SLC6A18: variants seen among roughly 807,000 people sequenced by gnomAD.
SLC6A18 encodes the protein inactive sodium-dependent neutral amino acid transporter B(0)AT3.
Under a neutral mutation model 62.9 loss-of-function variants are expected in SLC6A18, and 58 were observed. That is an observed-to-expected ratio of 0.92 (90% confidence interval 0.75 to 1.15). The LOEUF is 1.15. Ranked by LOEUF, SLC6A18 falls within the 50% of genes most tolerant of loss-of-function variation. The pLI, the probability that SLC6A18 is intolerant of heterozygous loss-of-function variation, is 0.00. For synonymous variants in SLC6A18, 382 were observed against 365.8 expected, an observed-to-expected ratio of 1.04 and a Z score of -0.51; for missense variants, 793 against 836.6, an observed-to-expected ratio of 0.95 and a Z score of 0.64.
chr5:1,226,812 TCTGCTAA>T (rs1746581906), intron 1 of SLC6A18, among the ~76,000 whole-genome samples: 1 of 152,116 alleles, frequency 6.6e-6, no homozygotes, highest in Admixed American at 6.5e-5. Flanking sequence ...TGCGGCTCGA[TCTGCTAA>T]GAGTCACCAG....
chr5:1,228,399 G>A (rs933611544), intron 1 of SLC6A18, among the ~76,000 whole-genome samples: 1 of 152,146 alleles, frequency 6.6e-6, no homozygotes, highest in African/African-American at 2.4e-5. Context: ...CATGACCCTG[G>A]GCGTGTCTCT....
chr5:1,235,433 G>C (rs777399981), intron 3 of SLC6A18, 48 bp from the exon 4 acceptor site: 1 of 1,586,526 alleles, frequency 6.3e-7, no homozygotes, highest in Non-Finnish European at 8.6e-7. Context: ...CACATGGTGA[G>C]GGTGCCTACG....
At chr5:1,240,196 T>C (rs1329846615) in intron 6 of SLC6A18, among the ~76,000 whole-genome samples, 1 of 152,266 alleles carries the variant, frequency 6.6e-6, no homozygotes. Context: ...TTGTGTGCGT[T>C]TCTCCTTTGG....
chr5:1,241,651 G>A lies in SLC6A18; in HGVS notation c.974+992G>A, dbSNP rs982257914. On this transcript the variant is annotated intron_variant, in intron 7 of 11. Transcript: ENST00000324642. The surrounding 1 kb of genome is among the most constrained non-coding windows in gnomAD (Gnocchi z 7.8). The stretch of plus-strand genomic sequence containing the variant: ...GGGACAGTGTTTTACAGGATGAGCC[G>A]GGTCAGGGAGGACGGTGATTTATAG... Among the ~76,000 whole-genome samples the A allele has an allele frequency of 6.6e-5, 10 of 152,298 alleles. No individual in the cohort carries two copies. Among genetic ancestry groups the A allele is most frequent in the African/African-American group, 2.2e-4 (9 of 41,568 alleles).
rs59826990 is a variant in SLC6A18, at chr5:1,241,168, G to A, written c.974+509G>A. Among the ~76,000 whole-genome samples the A allele has an allele frequency of 2.3e-3, 344 of 152,298 alleles. No individual in the cohort carries two copies. The highest frequency in any genetic ancestry group is 7.6e-3 in the African/African-American group (317 of 41,558). On this transcript the variant is annotated intron_variant, in intron 7 of 11. Transcript: ENST00000324642. This position sits in a 1 kb window ranked among gnomAD's most constrained non-coding sequence, Gnocchi z 7.8. Reference sequence around the variant, plus strand: ...GGCACCATTGCTGGTCGTTTGCTGCGGTGGTCCCAGGACCTGATGCAGTTA... The same window carrying A: ...GGCACCATTGCTGGTCGTTTGCTGCAGTGGTCCCAGGACCTGATGCAGTTA...
In SLC6A18 at chr5:1,242,772, C is replaced by T. The variant is rs775470749; in HGVS notation, c.1040C>T (p.Pro347Leu). The change falls in exon 8 of 12, where the codon CCA (proline) becomes CTA (leucine). Residue 347 changes from proline (P) to leucine (L), a missense_variant. Physicochemically the swap from Pro to Leu is moderately conservative, Grantham distance 98. Coordinates refer to ENST00000324642, the MANE Select transcript of SLC6A18 (RefSeq NM_182632.3). ...PEQSISRDDY[P>L]AVLMHLNATW... The stretch of plus-strand genomic sequence containing the variant: ...CAGAGCATCTCCAGGGACGACTACC[C>T]AGCCGTCCTCATGCACCTGAACGCC... 1 of 1,613,994 alleles carries T rather than the reference C, an allele frequency of 6.2e-7. No homozygotes were observed. The highest frequency in any genetic ancestry group is 1.1e-5 in the South Asian group (1 of 91,056).
At chr5:1,235,041 T>C (rs1176248556) in intron 3 of SLC6A18, among the ~76,000 whole-genome samples, 1 of 151,908 alleles carries the variant, frequency 6.6e-6, no homozygotes, top group Non-Finnish European at 1.5e-5. Context: ...GAAGTGGGAG[T>C]CACAGGACAA....
At chr5:1,240,361 C>T (rs1349378072) in intron 6 of SLC6A18, among the ~76,000 whole-genome samples, 170 bp from the exon 7 acceptor site, 2 of 152,146 alleles carry the variant, frequency 1.3e-5, no homozygotes, top group Non-Finnish European at 2.9e-5. Flanking sequence ...TTGGGGGGAT[C>T]TGAGGCCATT....
Position 1,237,985 on chromosome 5 carries a change from C to T in SLC6A18, c.657C>T (p.Val219=), listed in dbSNP as rs1027078722. 8 of 1,614,102 alleles carry T rather than the reference C, an allele frequency of 5.0e-6. No homozygotes were observed. The highest frequency in any genetic ancestry group is 6.8e-6 in the Non-Finnish European group (8 of 1,180,040). ...IYFTALFPYL[V]LTIFLIRGLT... is the part of the protein sequence containing the mutation. ...TCACAGCTTTGTTCCCTTACCTGGT[C>T]CTGACCATCTTTCTCATCAGAGGGC... The change falls in exon 5 of 12, where the codon GTC becomes GTT. Residue 219 remains valine (V), a synonymous_variant. Transcript: ENST00000324642.
chr5:1,232,666 G>T, intron 2 of SLC6A18, 85 bp from the exon 3 acceptor site: 1 of 1,517,158 alleles, frequency 6.6e-7, no homozygotes, highest in Non-Finnish European at 8.9e-7. Flanking sequence ...ATTTTATGTT[G>T]TTATTTTGTT....
At position 1,244,208 on chromosome 5, in the gene SLC6A18, C is replaced by T; in HGVS notation, c.1337-6C>T. 3 of 1,590,846 alleles carry T rather than the reference C, an allele frequency of 1.9e-6. No individual in the cohort carries two copies. The highest frequency in any genetic ancestry group is 2.6e-6 in the Non-Finnish European group (3 of 1,164,212). ...TACCCCCCACACCCCTTTCCCACTG[C>T]CCCAGGGCTGGTCTGCCTGGTCTGC... On this transcript the variant is annotated splice_region_variant and splice_polypyrimidine_tract_variant and intron_variant, in intron 9 of 11. Transcript: ENST00000324642.
chr5:1,233,427 G>A lies in SLC6A18; in HGVS notation c.439+539G>A, dbSNP rs1031241016. 3.9e-5 allele frequency among the ~76,000 whole-genome samples: 6 copies of A among 151,980 alleles called. No homozygotes were observed. The East Asian group carries it at 5.8e-4, about 15-fold the overall frequency. ...CGGGAAGTGGAGGTTGCAGATAGCCGAGATCATACCACTGCACTCCAGACG... is the reference window on the plus strand; with the variant it reads ...CGGGAAGTGGAGGTTGCAGATAGCCAAGATCATACCACTGCACTCCAGACG... On this transcript the variant is annotated intron_variant, in intron 3 of 11. Transcript: ENST00000324642.
rs145619230 is a variant in SLC6A18 at position 1,242,764 on chromosome 5, C to G, written c.1032C>G (p.Asp344Glu). ...TCCCAGAGCAGAGCATCTCCAGGGA[C>G]GACTACCCAGCCGTCCTCATGCACC... is the stretch of plus-strand genomic sequence containing the variant. ...FDFPEQSISRDDYPAVLMHLN... is the reference protein window; with the variant it reads ...FDFPEQSISREDYPAVLMHLN... The change falls in exon 8 of 12, where the codon GAC becomes GAG. Residue 344 changes from aspartate (D) to glutamate (E), a missense_variant. By Grantham distance (45) the Asp-to-Glu change is conservative. Coordinates refer to ENST00000324642, the MANE Select transcript of SLC6A18 (RefSeq NM_182632.3). 1.2e-6 allele frequency: 2 copies of G among 1,613,918 alleles called. No individual in the cohort carries two copies. Among genetic ancestry groups the G allele is most frequent in the Admixed American group, 3.3e-5 (2 of 60,020 alleles).
rs1747109126 is a variant in SLC6A18 at position 1,243,142 on chromosome 5, G to A, written c.1131+279G>A. 6.6e-6 allele frequency among the ~76,000 whole-genome samples: 1 copy of A among 152,198 alleles called. No individual in the cohort carries two copies. The highest frequency in any genetic ancestry group is 2.1e-4 in the South Asian group (1 of 4,826). On this transcript the variant is annotated intron_variant, in intron 8 of 11. Coordinates refer to ENST00000324642, the MANE Select transcript of SLC6A18 (RefSeq NM_182632.3). This position sits in a 1 kb window ranked among gnomAD's most constrained non-coding sequence, Gnocchi z 6.5. ...GGCATTGCTGGTGCCCAGACCCCAG[G>A]AGAGGGGGTGGCCAGCATGAGGGTC...
rs773043248 is a variant in SLC6A18 at position 1,242,875 on chromosome 5, C to A, written c.1131+12C>A. ...ACTTTCTGGATAAGGTACCTGCACA[C>A]CCCCTGGGGTAGCCAGGCAGGGCCG... On this transcript the variant is annotated intron_variant, in intron 8 of 11. Transcript: ENST00000324642. 1.1e-5 allele frequency: 17 copies of A among 1,595,738 alleles called. 1 individual carries two copies. The South Asian group carries it at 1.9e-4, about 18-fold the overall frequency.
chr5:1,231,844 A>G (rs1746737992), intron 1 of SLC6A18, among the ~76,000 whole-genome samples: 2 of 152,136 alleles, frequency 1.3e-5, no homozygotes, highest in Non-Finnish European at 2.9e-5. Flanking sequence ...ACAGAGGCTG[A>G]GTCCCCACTG....
chr5:1,244,080 GAA>G (rs1747143840), intron 9 of SLC6A18, 132 bp from the exon 10 acceptor site: 1 of 718,566 alleles, frequency 1.4e-6, no homozygotes, highest in African/African-American at 1.8e-5. Context: ...GAAGCCGAGA[GAA>G]GTCTCCAGCC....
At chr5:1,240,813 A>G (rs990071846) in intron 7 of SLC6A18, among the ~76,000 whole-genome samples, 154 bp downstream of exon 7, 3 of 152,108 alleles carry the variant, frequency 2.0e-5, no homozygotes, top group African/African-American at 4.8e-5. Context: ...GGTCACTTCC[A>G]CCCAAAACTT....
chr5:1,245,535 C>G (rs1379927856), intron 11 of SLC6A18, among the ~76,000 whole-genome samples: 1 of 152,226 alleles, frequency 6.6e-6, no homozygotes, highest in Non-Finnish European at 1.5e-5. Flanking sequence ...GGGGAGAAAG[C>G]TGGGGACACG....
Sources: gnomAD v4.1 joint callset for allele counts (sites outside exome capture counted in the v4.1 genomes callset) on GRCh38, gnomAD v4.1.1 for gene constraint, Gnocchi (gnomAD v3.1) non-coding constraint, MANE v1.5 for transcripts, NCBI Gene and HGNC (gene_info 2026-07-23, HGNC 2026-07-21) for gene names.